LAMA3: variants seen among roughly 807,000 people sequenced by gnomAD.
The protein encoded by LAMA3 is laminin subunit alpha 3.
A neutral mutation model predicts 402.0 loss-of-function variants in LAMA3; 281 were observed. The ratio of observed to expected loss-of-function variants is 0.70; its 90% CI spans 0.63 to 0.77. The LOEUF is 0.77. Ranked by LOEUF, LAMA3 falls within the 30% of genes least tolerant of loss-of-function variation. The pLI is 0.00. For missense variants in LAMA3, 3,840 were observed against 4,215.5 expected (o/e 0.91, Z 2.47); for synonymous variants, 1,431 against 1,558.4 (o/e 0.92, Z 1.93).
At chr18:23,714,297 A>G (rs887799290) in intron 2 of LAMA3, among the ~76,000 whole-genome samples, 1 of 152,154 alleles carries the variant, frequency 6.6e-6, no homozygotes, top group Admixed American at 6.5e-5. Flanking sequence ...AGGTGGGTGG[A>G]TCACTTGAAG....
chr18:23,799,724 G>C (rs1292342444), intron 12 of LAMA3, among the ~76,000 whole-genome samples: 1 of 151,896 alleles, frequency 6.6e-6, no homozygotes, highest in African/African-American at 2.4e-5. Context: ...AATCGGAGGT[G>C]TGTGTGTACG....
chr18:23,745,302 CAG>C (rs1477889759), intron 2 of LAMA3, among the ~76,000 whole-genome samples: 1 of 151,998 alleles, frequency 6.6e-6, no homozygotes, highest in Non-Finnish European at 1.5e-5. Flanking sequence ...TAGGAGAGGA[CAG>C]AGAGGCTCCC....
chr18:23,730,574 C>T (rs1449124653), intron 2 of LAMA3, among the ~76,000 whole-genome samples: 1 of 152,042 alleles, frequency 6.6e-6, no homozygotes, highest in East Asian at 1.9e-4. Context: ...ACCATGTTGG[C>T]CAGGCTGGTC....
intron 2 of LAMA3, among the ~76,000 whole-genome samples, chr18:23,717,352 T>A (rs943027112): frequency 2.0e-5 from 3 of 152,134 alleles, no homozygotes; most frequent in African/African-American, 7.2e-5. Context: ...AAAATGCAGA[T>A]CATAAATTTG....
chr18:23,938,278 C>T (rs1390097825), intron 67 of LAMA3, among the ~76,000 whole-genome samples: 1 of 152,066 alleles, frequency 6.6e-6, no homozygotes, highest in Non-Finnish European at 1.5e-5. Flanking sequence ...TGAATCCCTA[C>T]CCTTTGCTTT....
At chr18:23,899,574 T>C in intron 47 of LAMA3, 119 bp downstream of exon 47, 1 of 1,031,082 alleles carries the variant, frequency 9.7e-7, no homozygotes, top group Non-Finnish European at 1.5e-6. Context: ...TCAGCGAATA[T>C]TACTGTTAGA....
intron 32 of LAMA3, among the ~76,000 whole-genome samples, chr18:23,850,427 T>G (rs1233447681): frequency 4.6e-5 from 7 of 152,220 alleles, no homozygotes; most frequent in Non-Finnish European, 1.0e-4. Context: ...GACTCACCTT[T>G]GGCAAGTCCT....
Position 23,912,880 on chromosome 18 carries a change from A to T in LAMA3, c.7328A>T (p.Asp2443Val), listed in dbSNP as rs780089231. ...TTTGTGATGTACCTTGGAAATAAAG[A>T]TGTAAGTATTGCTTGGACATCTCTC... ...NMFVMYLGNK[D>V]ASRDYIGMAV... The change falls in exon 56 of 75, where the codon GAT becomes GTT. Residue 2443 changes from aspartate (D) to valine (V), a missense_variant and splice_region_variant. By Grantham distance (152) the Asp-to-Val change is radical. Coordinates refer to ENST00000313654, the MANE Select transcript of LAMA3 (RefSeq NM_198129.4). 1 of 1,612,962 alleles carries T rather than the reference A, an allele frequency of 6.2e-7. No individual in the cohort carries two copies. Among genetic ancestry groups the T allele is most frequent in the African/African-American group, 1.3e-5 (1 of 74,920 alleles).
intron 67 of LAMA3, among the ~76,000 whole-genome samples, chr18:23,937,957 T>G (rs540879660): frequency 6.6e-6 from 1 of 152,174 alleles, no homozygotes; most frequent in Non-Finnish European, 1.5e-5. Flanking sequence ...GAAAACCCAC[T>G]GCAAAATTAA....
chr18:23,708,926 T>TAA (rs34486071), intron 1 of LAMA3, among the ~76,000 whole-genome samples: 77 of 141,168 alleles, frequency 5.5e-4, no homozygotes, highest in African/African-American at 8.2e-4. Context: ...CCTGGCTAAT[T>TAA]AAAAAAAAAA....
At position 23,901,336 on chromosome 18, in the gene LAMA3, T is replaced by A. The variant is rs1340518859; in HGVS notation, c.6201+13T>A. 1 of 1,609,396 alleles carries A rather than the reference T, an allele frequency of 6.2e-7. No individual in the cohort carries two copies. Among genetic ancestry groups the A allele is most frequent in the Non-Finnish European group, 8.5e-7 (1 of 1,176,210 alleles). ...GGGAGCCATTCAGGTGAGTTCACAG[T>A]TTGAAGTTGCACACTTTCGTTAATA... is the stretch of plus-strand genomic sequence containing the variant. On this transcript the variant is annotated intron_variant, in intron 48 of 74. Transcript: ENST00000313654.
chr18:23,902,659 C>T (rs916052265), intron 48 of LAMA3, among the ~76,000 whole-genome samples: 2 of 152,180 alleles, frequency 1.3e-5, no homozygotes, highest in African/African-American at 2.4e-5. Flanking sequence ...CTCATTGGTA[C>T]TGGCTGATGG....
intron 4 of LAMA3, among the ~76,000 whole-genome samples, chr18:23,749,763 G>A (rs1188625768): frequency 6.6e-6 from 1 of 152,180 alleles, no homozygotes; most frequent in African/African-American, 2.4e-5. Context: ...TCCCCAGAAA[G>A]TCAGGATTCT....
chr18:23,810,841 G>T (rs2063055546), intron 13 of LAMA3, among the ~76,000 whole-genome samples: 1 of 152,184 alleles, frequency 6.6e-6, no homozygotes, highest in South Asian at 2.1e-4. Context: ...GGGGCCATTT[G>T]TTGTCTTCTG....
chr18:23,699,056 A>AGAGAGAGAGAGAGAGAGAGAGAGAGAG (rs2060742839), intron 1 of LAMA3, among the ~76,000 whole-genome samples: 1 of 140,896 alleles, frequency 7.1e-6, no homozygotes, highest in African/African-American at 2.9e-5. Flanking sequence ...GAGAGAGAGA[A>AGAGAGAGAGAGAGAGAGAGAGAGAGAG]AGAAAAGAAA....
At chr18:23,699,028 GAGAGA>G (rs2060741017) in intron 1 of LAMA3, among the ~76,000 whole-genome samples, 3 of 42,504 alleles carry the variant, frequency 7.1e-5, no homozygotes, top group Non-Finnish European at 2.1e-4. Flanking sequence ...GGCAGATAGA[GAGAGA>G]GAGAGAGAGA....
intron 1 of LAMA3, among the ~76,000 whole-genome samples, chr18:23,692,357 C>T (rs552688334): frequency 5.3e-5 from 8 of 152,336 alleles, no homozygotes; most frequent in Non-Finnish European, 8.8e-5. Context: ...CTGCAACCTC[C>T]GCCTCCTGGG....
chr18:23,728,276 A>G (rs1042991097), intron 2 of LAMA3, among the ~76,000 whole-genome samples: 2 of 152,194 alleles, frequency 1.3e-5, no homozygotes, highest in African/African-American at 2.4e-5. Flanking sequence ...CTTCCTGGAC[A>G]GCAGCAACAG....
intron 12 of LAMA3, among the ~76,000 whole-genome samples, chr18:23,786,081 A>G (rs1243991305): frequency 6.6e-6 from 1 of 152,214 alleles, no homozygotes; most frequent in Non-Finnish European, 1.5e-5. Context: ...ATATTTTAAA[A>G]AATTGTTTGA....
Sources: gnomAD v4.1 joint callset for allele counts (sites outside exome capture counted in the v4.1 genomes callset) on GRCh38, gnomAD v4.1.1 for gene constraint, MANE v1.5 for transcripts, NCBI Gene and HGNC (gene_info 2026-07-23, HGNC 2026-07-21) for gene names.